MELK: variants seen among roughly 807,000 people sequenced by gnomAD.
The protein encoded by MELK is pEg3 kinase.
In MELK, 81 loss-of-function variants were observed where a neutral mutation model predicts 85.0. The observed-to-expected ratio is 0.95, with a 90% confidence interval of 0.80 to 1.15. MELK has a LOEUF of 1.15. Ranked by LOEUF, MELK falls within the 50% of genes most tolerant of loss-of-function variation. The probability of loss-of-function intolerance (pLI) is 0.00; values close to 1 mark genes in which losing one functional copy is unlikely to be tolerated. For missense variants in MELK, 754 were observed against 777.5 expected (o/e 0.97, Z 0.36); for synonymous variants, 252 against 265.0 (o/e 0.95, Z 0.48).
intron 7 of MELK, among the ~76,000 whole-genome samples, chr9:36,602,077 G>A (rs1208214036): frequency 1.3e-5 from 2 of 152,082 alleles, no homozygotes; most frequent in Non-Finnish European, 2.9e-5. Flanking sequence ...ATTCTTTTGG[G>A]TATATATTCA....
At chr9:36,631,025 G>A (rs1828553199) in intron 9 of MELK, among the ~76,000 whole-genome samples, 2 of 149,934 alleles carry the variant, frequency 1.3e-5, no homozygotes, top group South Asian at 2.1e-4. Flanking sequence ...GTGCAGTGGC[G>A]TGATCTTGGC....
intron 11 of MELK, among the ~76,000 whole-genome samples, chr9:36,646,667 G>A (rs533711741): frequency 6.6e-6 from 1 of 152,280 alleles, no homozygotes; most frequent in South Asian, 2.1e-4. Flanking sequence ...GGTCACATGT[G>A]TGTTCGAGAA....
At chr9:36,662,243 CTTTT>C (rs553334327) in intron 13 of MELK, among the ~76,000 whole-genome samples, 1 of 133,352 alleles carries the variant, frequency 7.5e-6, no homozygotes, top group African/African-American at 2.7e-5. Flanking sequence ...GAATCTGTAT[CTTTT>C]TTTTTTTTTT....
intron 11 of MELK, among the ~76,000 whole-genome samples, chr9:36,644,895 G>A (rs184377254): frequency 1.2e-3 from 176 of 151,898 alleles, no homozygotes; most frequent in African/African-American, 4.0e-3. Context: ...ATATTTCCAC[G>A]TAAATCCCAG....
chr9:36,613,304 G>T (rs1369510096), intron 8 of MELK, among the ~76,000 whole-genome samples: 1 of 152,146 alleles, frequency 6.6e-6, no homozygotes, highest in African/African-American at 2.4e-5. Flanking sequence ...TCATTTGTTT[G>T]TTCATTTACT....
Position 36,638,906 on chromosome 9 carries a change from C to T in MELK, c.835-4091C>T, listed in dbSNP as rs548333401. On this transcript the variant is annotated intron_variant, in intron 10 of 17. Coordinates refer to ENST00000298048, the MANE Select transcript of MELK (RefSeq NM_014791.4). ...AGTAAGTGTAGAACCAGGATTTAAA[C>T]GCACACCGAAGGGTTCTGGAATGGA... Among the ~76,000 whole-genome samples the T allele has an allele frequency of 6.6e-5, 10 of 152,282 alleles. No homozygotes were observed. In the East Asian group the frequency reaches 7.7e-4, roughly 12 times the overall value.
intron 4 of MELK, among the ~76,000 whole-genome samples, chr9:36,593,279 G>C (rs182922568): frequency 6.7e-6 from 1 of 149,664 alleles, no homozygotes; most frequent in Non-Finnish European, 1.5e-5. Context: ...CCACAAATTC[G>C]TATGTTGAAA....
intron 14 of MELK, among the ~76,000 whole-genome samples, chr9:36,665,943 A>G (rs991556620): frequency 6.6e-6 from 1 of 152,214 alleles, no homozygotes; most frequent in Non-Finnish European, 1.5e-5. Flanking sequence ...ACCCAGGTTT[A>G]GACCTTTCAT....
At chr9:36,614,445 A>ATTTTTTTTTTTT (rs1564162098) in intron 8 of MELK, among the ~76,000 whole-genome samples, 2 of 88,920 alleles carry the variant, frequency 2.2e-5, no homozygotes, top group African/African-American at 5.0e-5. Context: ...TTTTTTTTTA[A>ATTTTTTTTTTTT]TTTATTTTTT....
chr9:36,586,618 A>C (rs1245136255), intron 3 of MELK, among the ~76,000 whole-genome samples: 1 of 152,194 alleles, frequency 6.6e-6, no homozygotes, highest in Non-Finnish European at 1.5e-5. Flanking sequence ...AATTCCCTTA[A>C]GCAGTTTAAA....
At chr9:36,641,818 G>A (rs1322566189) in intron 10 of MELK, among the ~76,000 whole-genome samples, 1 of 152,010 alleles carries the variant, frequency 6.6e-6, no homozygotes, top group Non-Finnish European at 1.5e-5. Flanking sequence ...TGTTGGTCAG[G>A]CTGGTCTCCA....
Position 36,665,341 on chromosome 9 carries a change from T to C in MELK, c.1177-9T>C. Reference sequence around the variant, plus strand: ...CAGTGTGCTTTATCTAGTAACTTTTTTTTTCCAGTTTACCAAGTACTGGAC... The same window carrying C: ...CAGTGTGCTTTATCTAGTAACTTTTCTTTTCCAGTTTACCAAGTACTGGAC... On this transcript the variant is annotated splice_polypyrimidine_tract_variant and intron_variant, in intron 13 of 17. Coordinates refer to ENST00000298048, the MANE Select transcript of MELK (RefSeq NM_014791.4). 6.4e-7 allele frequency: 1 copy of C among 1,569,766 alleles called. No individual in the cohort carries two copies.
At chr9:36,607,317 T>C (rs1825653930) in intron 7 of MELK, among the ~76,000 whole-genome samples, 1 of 152,196 alleles carries the variant, frequency 6.6e-6, no homozygotes, top group Non-Finnish European at 1.5e-5. Context: ...TGTTAAGTGT[T>C]AGAGTCCAGC....
intron 1 of MELK, among the ~76,000 whole-genome samples, chr9:36,580,321 C>A (rs1260971018): frequency 2.0e-5 from 3 of 151,690 alleles, no homozygotes; most frequent in African/African-American, 7.3e-5. Flanking sequence ...AGCCACCGCA[C>A]CCGGCCTTTT....
intron 8 of MELK, among the ~76,000 whole-genome samples, chr9:36,615,366 C>T (rs569644781): frequency 0.049 from 5,498 of 111,296 alleles, 246 homozygotes; most frequent in Middle Eastern, 0.1. Context: ...ACCTCCCTCC[C>T]GGTCGGCACG....
intron 4 of MELK, among the ~76,000 whole-genome samples, chr9:36,590,928 GAAA>G (rs1219269328): frequency 6.9e-6 from 1 of 145,446 alleles, no homozygotes; most frequent in East Asian, 2.0e-4. Flanking sequence ...AAAGAAAAAA[GAAA>G]AAAAAAAGCC....
chr9:36,658,018 A>T (rs1831423415), intron 13 of MELK, among the ~76,000 whole-genome samples: 1 of 151,676 alleles, frequency 6.6e-6, no homozygotes, highest in Admixed American at 6.6e-5. Context: ...CAAAATTAAG[A>T]TATAAAACAG....
chr9:36,650,795 A>G (rs1366285299), intron 11 of MELK, among the ~76,000 whole-genome samples: 1 of 152,266 alleles, frequency 6.6e-6, no homozygotes, highest in African/African-American at 2.4e-5. Context: ...ACAATTGAGT[A>G]GCTGGCTGAG....
At chr9:36,607,510 C>A (rs1793723362) in intron 7 of MELK, 65 bp from the exon 8 acceptor site, 1 of 1,185,768 alleles carries the variant, frequency 8.4e-7, no homozygotes, top group South Asian at 1.2e-5. Flanking sequence ...ATCAAGAGTC[C>A]TACCATTCTG....
Sources: gnomAD v4.1 joint callset for allele counts (sites outside exome capture counted in the v4.1 genomes callset) on GRCh38, gnomAD v4.1.1 for gene constraint, MANE v1.5 for transcripts, NCBI Gene and HGNC (gene_info 2026-07-23, HGNC 2026-07-21) for gene names.